Variants in RIC3 observed in about 807,000 individuals in gnomAD.
The protein encoded by RIC3 is RIC3 acetylcholine receptor chaperone, also known as protein RIC-3.
A neutral mutation model predicts 27.3 loss-of-function variants in RIC3; 28 were observed. That is an observed-to-expected ratio of 1.02 (90% CI 0.76 to 1.41). The LOEUF (loss-of-function observed/expected upper bound fraction) is 1.41, where lower values mean the gene tolerates loss of function less well. Among genes scored for constraint, RIC3 ranks in the 40% most tolerant of loss-of-function variants. RIC3 has a pLI of 0.00. For synonymous variants in RIC3, 184 were observed against 160.4 expected, an observed-to-expected ratio of 1.15 and a Z score of -1.11; for missense variants, 501 against 444.7, an observed-to-expected ratio of 1.13 and a Z score of -1.14.
the RIC3 span, chr11:8,097,598 T>C: frequency 3.7e-4 from 477 of 1,281,382 alleles, 2 homozygotes; most frequent in East Asian, 0.011. Flanking sequence ...TTTGTGTGTG[T>C]GCACATATGT....
chr11:8,142,293 GA>G (rs1453581224), intron 1 of RIC3, among the ~76,000 whole-genome samples: 28 of 140,854 alleles, frequency 2.0e-4, no homozygotes, highest in Admixed American at 7.1e-5. Context: ...CACTAATAAA[GA>G]AAAAAAGAGA....
intron 1 of RIC3, among the ~76,000 whole-genome samples, chr11:8,145,349 T>C (rs988007633): frequency 1.3e-5 from 2 of 152,122 alleles, no homozygotes; most frequent in African/African-American, 4.8e-5. Flanking sequence ...TTTTCTTTGT[T>C]TTTCTGTGCA....
chr11:8,152,163 G>A (rs1002878735), intron 1 of RIC3, among the ~76,000 whole-genome samples: 2 of 152,184 alleles, frequency 1.3e-5, no homozygotes, highest in African/African-American at 4.8e-5. Context: ...GTAAAATGGT[G>A]CAGCTGCTTT....
At chr11:8,095,340 A>G in the RIC3 span, among the ~76,000 whole-genome samples, 1 of 152,242 alleles carries the variant, frequency 6.6e-6, no homozygotes, top group Non-Finnish European at 1.5e-5. Flanking sequence ...AGTTGTTAAC[A>G]GGCTGGTGCA....
chr11:8,157,941 G>A (rs1435924387), intron 1 of RIC3, among the ~76,000 whole-genome samples: 1 of 152,104 alleles, frequency 6.6e-6, no homozygotes, highest in Non-Finnish European at 1.5e-5. Flanking sequence ...ACATGAACAG[G>A]AAAATGACCC....
At chr11:8,113,421 A>G (rs1945486464) in intron 5 of RIC3, among the ~76,000 whole-genome samples, 1 of 152,142 alleles carries the variant, frequency 6.6e-6, no homozygotes, top group Non-Finnish European at 1.5e-5. Flanking sequence ...TGGCCCCTGC[A>G]GATACAGACT....
At chr11:8,101,146 C>G, downstream of RIC3, 1 of 1,005,584 alleles carries the variant, frequency 9.9e-7, no homozygotes, top group South Asian at 1.7e-5. Flanking sequence ...CTTTCTAACC[C>G]TAATGACTGG....
intron 5 of RIC3, among the ~76,000 whole-genome samples, chr11:8,113,909 C>T (rs1945544342): frequency 6.6e-6 from 1 of 152,198 alleles, no homozygotes; most frequent in South Asian, 2.1e-4. Flanking sequence ...AGGCCCAGTC[C>T]AGCCCCAGGT....
intron 5 of RIC3, among the ~76,000 whole-genome samples, chr11:8,112,385 C>T (rs772076764): frequency 6.6e-6 from 1 of 151,796 alleles, no homozygotes; most frequent in Non-Finnish European, 1.5e-5. Flanking sequence ...CCTCTGCCTC[C>T]CCGATTCAAG....
chr11:8,146,333 A>C (rs939515150), intron 1 of RIC3, among the ~76,000 whole-genome samples: 1 of 152,232 alleles, frequency 6.6e-6, no homozygotes, highest in Non-Finnish European at 1.5e-5. Context: ...TAACGATATT[A>C]ATCTTTCAAG....
chr11:8,108,892 T>C lies in RIC3; in HGVS notation c.*1806A>G, dbSNP rs1349142709. 1 of 152,216 alleles carries C rather than the reference T, an allele frequency of 6.6e-6. No individual in the cohort carries two copies. Among genetic ancestry groups the C allele is most frequent in the African/African-American group, 2.4e-5 (1 of 41,456 alleles). The allele number at this position is 152,216 out of a possible 1,614,324, so 9.4% of individuals were successfully genotyped here. On this transcript the variant is annotated 3_prime_UTR_variant, in exon 6 of 6. Coordinates refer to ENST00000309737, the MANE Select transcript of RIC3 (RefSeq NM_001206671.4). Reference sequence around the variant, plus strand: ...CTGAGCCAGGAACCCAGGGCTCTCCTCATGAATCAACCCCTCACAGTGAAC... The same window carrying C: ...CTGAGCCAGGAACCCAGGGCTCTCCCCATGAATCAACCCCTCACAGTGAAC...
chr11:8,105,962 CTGTGTA>C (rs1944583758), downstream of RIC3: 1 of 152,080 alleles, frequency 6.6e-6, no homozygotes, highest in South Asian at 2.1e-4. Context: ...AATGCCTAGA[CTGTGTA>C]TGTCTATTTG....
intron 5 of RIC3, among the ~76,000 whole-genome samples, chr11:8,115,374 G>A (rs1181712287): frequency 4.0e-5 from 6 of 151,308 alleles, no homozygotes; most frequent in Non-Finnish European, 8.8e-5. Flanking sequence ...TCAGAAATGA[G>A]GAAAAAACAA....
chr11:8,100,986 A>G, the RIC3 span: 2 of 1,614,150 alleles, frequency 1.2e-6, no homozygotes, highest in Non-Finnish European at 1.7e-6. Context: ...CAGATCATCC[A>G]TGGCAATGAC....
intron 4 of RIC3, among the ~76,000 whole-genome samples, chr11:8,131,376 G>A (rs562428418): frequency 6.6e-6 from 1 of 152,186 alleles, no homozygotes; most frequent in Non-Finnish European, 1.5e-5. Context: ...GTGGATGGTG[G>A]AGCCATTTGC....
the RIC3 span, chr11:8,100,581 GTCTC>G: frequency 3.7e-6 from 6 of 1,614,118 alleles, no homozygotes; most frequent in Non-Finnish European, 5.1e-6. Context: ...TCATGAGAGA[GTCTC>G]TATCCGCCCC....
At chr11:8,113,532 T>C (rs1446242709) in intron 5 of RIC3, among the ~76,000 whole-genome samples, 1 of 152,078 alleles carries the variant, frequency 6.6e-6, no homozygotes, top group Non-Finnish European at 1.5e-5. Flanking sequence ...CATAGCCCAG[T>C]GCCAAATTGG....
the RIC3 span, among the ~76,000 whole-genome samples, chr11:8,099,731 G>A: frequency 6.6e-6 from 1 of 152,178 alleles, no homozygotes; most frequent in Non-Finnish European, 1.5e-5. Flanking sequence ...GAAATGTCAA[G>A]GTATGTGTGA....
chr11:8,096,396 G>A, the RIC3 span, among the ~76,000 whole-genome samples: 2 of 152,206 alleles, frequency 1.3e-5, no homozygotes, highest in Non-Finnish European at 2.9e-5. Flanking sequence ...CTAGGTAGTG[G>A]GGTAATGTAG....
Sources: gnomAD v4.1 joint callset for allele counts (sites outside exome capture counted in the v4.1 genomes callset) on GRCh38, gnomAD v4.1.1 for gene constraint, MANE v1.5 for transcripts, NCBI Gene and HGNC (gene_info 2026-07-23, HGNC 2026-07-21) for gene names.